Variants in MTFR1 observed in about 807,000 individuals in gnomAD.
The protein encoded by MTFR1 is chondrocyte protein with a poly-proline region.
MTFR1 carries 28 observed loss-of-function variants against 38.8 expected under a neutral mutation model. The observed-to-expected ratio is 0.72, with a 90% CI of 0.53 to 0.99. The LOEUF (loss-of-function observed/expected upper bound fraction) is 0.99, where lower values mean the gene tolerates loss of function less well. Ranked by LOEUF, MTFR1 falls within the 50% of genes least tolerant of loss-of-function variation. The probability of loss-of-function intolerance (pLI) is 0.00; values close to 1 mark genes in which losing one functional copy is unlikely to be tolerated. For synonymous variants in MTFR1, 145 were observed against 137.0 expected, an observed-to-expected ratio of 1.06 and a Z score of -0.41; for missense variants, 358 against 395.5, an observed-to-expected ratio of 0.91 and a Z score of 0.81.
At chr8:65,671,338 T>C (rs2129051413) in intron 2 of MTFR1, among the ~76,000 whole-genome samples, 1 of 152,040 alleles carries the variant, frequency 6.6e-6, no homozygotes, top group African/African-American at 2.4e-5. Context: ...TTCGAGACCA[T>C]CCTGGGCAAT....
chr8:65,745,281 T>C (rs774674474), intron 3 of MTFR1: 132 of 688,236 alleles, frequency 1.9e-4, no homozygotes, highest in Non-Finnish European at 3.2e-4. Context: ...AATGGACTAA[T>C]ACACTCTCTT....
At chr8:65,752,720 A>C (rs1055572417) in intron 3 of MTFR1, among the ~76,000 whole-genome samples, 1 of 152,198 alleles carries the variant, frequency 6.6e-6, no homozygotes, top group East Asian at 1.9e-4. Flanking sequence ...CTTGAATTAT[A>C]TCTCTAAATA....
intron 3 of MTFR1, chr8:65,727,399 T>C (rs1585830765): frequency 6.6e-7 from 1 of 1,523,070 alleles, no homozygotes; most frequent in East Asian, 2.4e-5. Flanking sequence ...GTAGTGGTGG[T>C]AATCTCCTCC....
At chr8:65,676,608 C>G (rs1197379527) in intron 2 of MTFR1, among the ~76,000 whole-genome samples, 1 of 152,182 alleles carries the variant, frequency 6.6e-6, no homozygotes, top group Non-Finnish European at 1.5e-5. Context: ...AAGTGATCCA[C>G]CCTCTTCAGC....
At chr8:65,761,450 T>C (rs1808490580) in intron 3 of MTFR1, among the ~76,000 whole-genome samples, 1 of 152,200 alleles carries the variant, frequency 6.6e-6, no homozygotes, top group African/African-American at 2.4e-5. Flanking sequence ...AAACTTGCCT[T>C]TATTAAAGCT....
intron 1 of MTFR1, among the ~76,000 whole-genome samples, chr8:65,653,612 T>A (rs1250515072): frequency 6.6e-6 from 1 of 152,224 alleles, no homozygotes; most frequent in Non-Finnish European, 1.5e-5. Context: ...TATGAAGGTT[T>A]GAAGTTGAGA....
chr8:65,720,705 T>C (rs555670989), intron 3 of MTFR1: 3 of 152,342 alleles, frequency 2.0e-5, no homozygotes, highest in Non-Finnish European at 4.4e-5. Flanking sequence ...CAGCAGTGAA[T>C]AAGACAGACA....
intron 1 of MTFR1, among the ~76,000 whole-genome samples, chr8:65,653,908 G>A (rs1024349381): frequency 2.0e-5 from 3 of 151,862 alleles, no homozygotes; most frequent in African/African-American, 7.3e-5. Flanking sequence ...CTACAAAAAA[G>A]TATAAAGTTA....
intron 3 of MTFR1, among the ~76,000 whole-genome samples, chr8:65,749,806 G>A (rs1335357317): frequency 6.6e-6 from 1 of 152,122 alleles, no homozygotes; most frequent in Non-Finnish European, 1.5e-5. Flanking sequence ...ACTCACAAGG[G>A]TTTTTAAATT....
chr8:65,736,057 A>G (rs1807115777), intron 3 of MTFR1, among the ~76,000 whole-genome samples: 1 of 152,238 alleles, frequency 6.6e-6, no homozygotes. Flanking sequence ...TTTTTCCTAT[A>G]CAAACACACC....
In MTFR1 at chr8:65,644,743, G is replaced by A. The variant is rs750576754; in HGVS notation, c.-122G>A. 5.9e-5 allele frequency: 9 copies of A among 152,494 alleles called. No homozygotes were observed. Among genetic ancestry groups the A allele is most frequent in the Non-Finnish European group, 8.8e-5 (6 of 68,246 alleles). The allele number at this position is 152,494 out of a possible 1,614,324, so 9.4% of individuals were successfully genotyped here. ...ACGCCACGGGACAGCCAAGCTAGAA[G>A]CCTGAGGAGCCGGAGAGGGTGCTGG... On this transcript the variant is annotated 5_prime_UTR_variant, in exon 1 of 8. Transcript: ENST00000262146.
chr8:65,665,027 C>T (rs764062818), intron 1 of MTFR1, among the ~76,000 whole-genome samples: 18 of 150,900 alleles, frequency 1.2e-4, no homozygotes, highest in Admixed American at 7.9e-4. Flanking sequence ...CTCTGCCTCC[C>T]GGGTTCAAGC....
chr8:65,703,439 T>TG (rs1805682254), intron 4 of MTFR1, among the ~76,000 whole-genome samples: 2 of 132,186 alleles, frequency 1.5e-5, no homozygotes, highest in African/African-American at 5.9e-5. Flanking sequence ...TTTTTTTTTT[T>TG]TTTTTTTTTT....
chr8:65,738,596 A>AT (rs1807256775), intron 3 of MTFR1, among the ~76,000 whole-genome samples: 1 of 151,726 alleles, frequency 6.6e-6, no homozygotes, highest in South Asian at 2.1e-4. Context: ...TGCCTGGGTA[A>AT]TTTTTTTGTA....
intron 3 of MTFR1, among the ~76,000 whole-genome samples, chr8:65,770,482 G>T (rs1365772565): frequency 2.0e-5 from 3 of 152,144 alleles, no homozygotes; most frequent in Non-Finnish European, 4.4e-5. Context: ...GGGGAGAACT[G>T]CCCTGATGAT....
chr8:65,716,263 G>C (rs931752835), intron 2 of MTFR1, among the ~76,000 whole-genome samples: 1 of 152,044 alleles, frequency 6.6e-6, no homozygotes, highest in African/African-American at 2.4e-5. Context: ...CACACCCACA[G>C]TTCCCCTGAG....
intron 1 of MTFR1, among the ~76,000 whole-genome samples, chr8:65,663,073 T>C (rs1204244254): frequency 1.3e-5 from 2 of 151,796 alleles, no homozygotes; most frequent in South Asian, 2.1e-4. Context: ...ACAATGGCGG[T>C]TTTGTGGAAT....
chr8:65,724,999 A>C lies in MTFR1; in HGVS notation c.*48+5518A>C. ...ATTGATTTTTTTTCTTAACCATAATAATCGGAAGGCTTTATAGAACCCTAA... is the reference window on the plus strand; with the variant it reads ...ATTGATTTTTTTTCTTAACCATAATCATCGGAAGGCTTTATAGAACCCTAA... On this transcript the variant is annotated intron_variant, in intron 3 of 3. Transcript: ENST00000521247. The C allele has an allele frequency of 6.7e-6, 6 of 899,060 alleles. No homozygotes were observed. In the South Asian group the frequency reaches 9.1e-5, roughly 14 times the overall value. The allele number at this position is 899,060 out of a possible 1,614,324, so 55.7% of individuals were successfully genotyped here.
intron 1 of MTFR1, among the ~76,000 whole-genome samples, chr8:65,669,575 A>G (rs1443753392): frequency 6.6e-6 from 1 of 151,172 alleles, no homozygotes; most frequent in Non-Finnish European, 1.5e-5. Context: ...TTTTTGAGAC[A>G]GAGTCTCGCT....
Sources: gnomAD v4.1 joint callset for allele counts (sites outside exome capture counted in the v4.1 genomes callset) on GRCh38, gnomAD v4.1.1 for gene constraint, MANE v1.5 for transcripts, NCBI Gene and HGNC (gene_info 2026-07-23, HGNC 2026-07-21) for gene names.